The following SMC2 variants were observed in gnomAD, a reference collection of about 807,000 sequenced individuals.
The protein encoded by SMC2 is structural maintenance of chromosomes protein 2.
Under a neutral mutation model 142.6 loss-of-function variants are expected in SMC2, and 41 were observed. The ratio of observed to expected loss-of-function variants is 0.29; its 90% CI spans 0.22 to 0.37. The LOEUF (loss-of-function observed/expected upper bound fraction) is 0.37. SMC2 is among the 10% of genes least tolerant of loss of function. The probability of loss-of-function intolerance (pLI) is 1.00; values close to 1 mark genes in which losing one functional copy is unlikely to be tolerated. For synonymous variants in SMC2, 463 were observed against 457.5 expected (o/e 1.01, Z -0.15); for missense variants, 1,265 against 1,373.7 (o/e 0.92, Z 1.25).
intron 4 of SMC2, among the ~76,000 whole-genome samples, chr9:104,099,215 T>C (rs181106253): frequency 3.9e-5 from 6 of 152,254 alleles, no homozygotes; most frequent in Admixed American, 3.3e-4. Context: ...ATGTAAAATA[T>C]TGTATTTTGT....
In SMC2 at chr9:104,120,696, GGATAA is replaced by G. The variant is rs1029543859; in HGVS notation, c.2132+539_2132+543del. On this transcript the variant is annotated intron_variant, in intron 16 of 24. Transcript: ENST00000374793. ...TACAGTATTTCTTCTGTGTAGGTATGGATAAGATATGTATATACTTTCCAACATCA... is the reference window on the plus strand; with the variant it reads ...TACAGTATTTCTTCTGTGTAGGTATGGATATGTATATACTTTCCAACATCA... Among the ~76,000 whole-genome samples, 3 of 152,268 alleles carry G rather than the reference GGATAA, an allele frequency of 2.0e-5. No individual in the cohort carries two copies. The East Asian group carries it at 5.8e-4, about 29-fold the overall frequency.
At chr9:104,088,830 A>C in the SMC2 span, among the ~76,000 whole-genome samples, 4 of 152,140 alleles carry the variant, frequency 2.6e-5, no homozygotes, top group African/African-American at 9.7e-5. Flanking sequence ...CAGACATCTT[A>C]TTCATCTTTG....
chr9:104,129,231 G>T (rs559672567), intron 20 of SMC2, among the ~76,000 whole-genome samples: 9 of 152,040 alleles, frequency 5.9e-5, no homozygotes, highest in Non-Finnish European at 8.8e-5. Context: ...GCCTAGGCAC[G>T]GTGGCTCACG....
chr9:104,113,574 C>T, intron 11 of SMC2, 99 bp downstream of exon 11: 1 of 930,376 alleles, frequency 1.1e-6, no homozygotes, highest in Non-Finnish European at 1.5e-6. Context: ...GGAAACATTT[C>T]TTAGCCTATT....
At chr9:104,132,726 A>G (rs1371439439) in intron 22 of SMC2, among the ~76,000 whole-genome samples, 1 of 151,934 alleles carries the variant, frequency 6.6e-6, no homozygotes, top group African/African-American at 2.4e-5. Flanking sequence ...TTTCTTCTCT[A>G]AGACTTATTT....
rs1237815710 is a variant in SMC2 at position 104,101,784 on chromosome 9, T to G, written c.637-176T>G. Among the ~76,000 whole-genome samples, 3 of 152,356 alleles carry G rather than the reference T, an allele frequency of 2.0e-5. No individual in the cohort carries two copies. The East Asian group carries it at 5.8e-4, about 29-fold the overall frequency. ...AGATTCACTAGAGATGGTAGAATGC[T>G]ATCTAAAAGTCCTGACTTCTGATGT... On this transcript the variant is annotated intron_variant, in intron 7 of 24. Coordinates refer to ENST00000374793, the MANE Select transcript of SMC2 (RefSeq NM_006444.3).
At chr9:104,089,627 GA>G (rs1829962707), upstream of SMC2, among the ~76,000 whole-genome samples, 1 of 152,052 alleles carries the variant, frequency 6.6e-6, no homozygotes, top group East Asian at 1.9e-4. Flanking sequence ...AAACAAGTAA[GA>G]ATAGAACTTA....
Position 104,108,423 on chromosome 9 carries a change from G to A in SMC2, c.1021-3158G>A, listed in dbSNP as rs921228072. On this transcript the variant is annotated intron_variant, in intron 9 of 24. Transcript: ENST00000374793. ...CCTTTCCTGGACTTTCCATATACTCGTCCTCTAGATAGTGAGCCTCCTTTT... is the reference window on the plus strand; with the variant it reads ...CCTTTCCTGGACTTTCCATATACTCATCCTCTAGATAGTGAGCCTCCTTTT... 2.6e-5 allele frequency among the ~76,000 whole-genome samples: 4 copies of A among 151,974 alleles called. No homozygotes were observed. The South Asian group carries it at 6.2e-4, about 24-fold the overall frequency.
rs1184680563 is a variant in SMC2, at chr9:104,094,536, G to C, written c.-62+59G>C. The C allele has an allele frequency of 6.2e-5, 23 of 369,128 alleles. 1 individual carries two copies. In the East Asian group the frequency reaches 8.7e-4, roughly 14 times the overall value. 22.9% of individuals were successfully genotyped at this position (369,128 alleles called of 1,614,324 possible). A position where few individuals can be genotyped will look rare whatever the true frequency, so the allele number is the denominator to read the frequency against. On this transcript the variant is annotated intron_variant, in intron 1 of 24. Transcript: ENST00000374793. ...CGGGCCAGACTTCCTGGCGGGAGGC[G>C]GGAGGCGGGAGGCGGGGCGCGGGGC...
Position 104,126,757 on chromosome 9 carries a change from A to G in SMC2, c.2568A>G (p.Val856=). The part of the protein sequence containing the change: ...AIKSYESQIE[V]MAAEVAKNKE... ...AATCCTATGAAAGTCAGATTGAAGTAATGGCAGCTGAGGTGGCTAAAAATA... is the reference window on the plus strand; with the variant it reads ...AATCCTATGAAAGTCAGATTGAAGTGATGGCAGCTGAGGTGGCTAAAAATA... The change falls in exon 19 of 25, where the codon GTA becomes GTG. Residue 856 remains valine (V), a synonymous_variant. Transcript: ENST00000374793. The G allele has an allele frequency of 6.2e-7, 1 of 1,608,672 alleles. No individual in the cohort carries two copies. Among genetic ancestry groups the G allele is most frequent in the Non-Finnish European group, 8.5e-7 (1 of 1,178,694 alleles).
Position 104,139,488 on chromosome 9 carries a change from T to C in SMC2, c.*173T>C. 1 of 499,448 alleles carries C rather than the reference T, an allele frequency of 2.0e-6. No homozygotes were observed. The highest frequency in any genetic ancestry group is 3.7e-5 in the East Asian group (1 of 27,316). 30.9% of individuals were successfully genotyped at this position (499,448 alleles called of 1,614,324 possible). A position where few individuals can be genotyped will look rare whatever the true frequency, so the allele number is the denominator to read the frequency against. On this transcript the variant is annotated 3_prime_UTR_variant, in exon 25 of 25. Transcript: ENST00000374793. The stretch of plus-strand genomic sequence containing the variant: ...AAATGAGCATATATTCCTCATCTCT[T>C]AACTAGTCTAATTATGGTCCAATTA...
At chr9:104,124,632 T>C (rs1353138379) in intron 17 of SMC2, among the ~76,000 whole-genome samples, 1 of 150,982 alleles carries the variant, frequency 6.6e-6, no homozygotes, top group Non-Finnish European at 1.5e-5. Context: ...GATTTTTTTT[T>C]TTTTAATAGG....
intron 16 of SMC2, among the ~76,000 whole-genome samples, chr9:104,120,699 T>C (rs954119597): frequency 1.3e-5 from 2 of 152,346 alleles, no homozygotes; most frequent in African/African-American, 4.8e-5. Flanking sequence ...TAGGTATGGA[T>C]AAGATATGTA....
At chr9:104,088,523 G>C in the SMC2 span, among the ~76,000 whole-genome samples, 1 of 152,078 alleles carries the variant, frequency 6.6e-6, no homozygotes, top group South Asian at 2.1e-4. Context: ...TACACAAGGG[G>C]GAGAAGTGAA....
chr9:104,095,625 C>A, intron 2 of SMC2, 73 bp downstream of exon 2: 1 of 1,193,922 alleles, frequency 8.4e-7, no homozygotes, highest in South Asian at 1.3e-5. Flanking sequence ...TGGAGACGTC[C>A]CGATATTCTC....
intron 14 of SMC2, 140 bp from the exon 15 acceptor site, chr9:104,118,031 T>A (rs1287629911): frequency 1.6e-6 from 1 of 631,006 alleles, no homozygotes; most frequent in East Asian, 2.9e-5. Context: ...ACATAGCTTT[T>A]TAGAAAATTC....
chr9:104,102,310 T>C (rs550377188), intron 8 of SMC2, 114 bp from the exon 9 acceptor site: 54 of 1,112,974 alleles, frequency 4.9e-5, no homozygotes, highest in Non-Finnish European at 6.6e-5. Context: ...GTTAATCTTA[T>C]AGTAAGATAA....
intron 3 of SMC2, 51 bp downstream of exon 3, chr9:104,096,348 T>G: frequency 6.3e-7 from 1 of 1,583,510 alleles, no homozygotes; most frequent in Non-Finnish European, 8.6e-7. Flanking sequence ...ATGTCTGATG[T>G]GGTTTTTGGC....
At chr9:104,137,036 T>C (rs753614920) in intron 23 of SMC2, among the ~76,000 whole-genome samples, 6 of 152,060 alleles carry the variant, frequency 3.9e-5, no homozygotes, top group Non-Finnish European at 8.8e-5. Context: ...TAATCTCAGC[T>C]ACTAGGGAGG....
Sources: allele counts gnomAD v4.1 joint callset (sites outside exome capture counted in the v4.1 genomes callset), GRCh38; gene constraint gnomAD v4.1.1; transcripts MANE v1.5; gene names NCBI Gene and HGNC (gene_info 2026-07-23, HGNC 2026-07-21).